UBASH3B: variants seen among roughly 807,000 people sequenced by gnomAD.
UBASH3B encodes the protein ubiquitin associated and SH3 domain containing B.
A neutral mutation model predicts 83.4 loss-of-function variants in UBASH3B; 37 were observed. The observed-to-expected ratio is 0.44, with a 90% CI of 0.34 to 0.58. UBASH3B has a LOEUF of 0.58. Ranked by LOEUF, UBASH3B falls within the 20% of genes least tolerant of loss-of-function variation. The probability of loss-of-function intolerance (pLI) is 0.01; values close to 1 mark genes in which losing one functional copy is unlikely to be tolerated. For missense variants in UBASH3B, 657 were observed against 827.2 expected (o/e 0.79, Z 2.52); for synonymous variants, 304 against 318.3 (o/e 0.96, Z 0.48).
intron 1 of UBASH3B, among the ~76,000 whole-genome samples, chr11:122,772,716 G>A (rs1860667626): frequency 6.6e-6 from 1 of 152,192 alleles, no homozygotes; most frequent in African/African-American, 2.4e-5. Context: ...CAAGGCCATT[G>A]GCGGGCACTG....
intron 11 of UBASH3B, among the ~76,000 whole-genome samples, chr11:122,804,924 G>A (rs1053478924): frequency 6.6e-5 from 10 of 152,326 alleles, no homozygotes; most frequent in South Asian, 6.2e-4. Context: ...ATAGTTAAGC[G>A]GGGGTGGAGG....
Position 122,801,194 on chromosome 11 carries a change from A to G in UBASH3B, c.1457A>G (p.Gln486Arg). 6.2e-7 allele frequency: 1 copy of G among 1,614,212 alleles called. No homozygotes were observed. The highest frequency in any genetic ancestry group is 8.5e-7 in the Non-Finnish European group (1 of 1,180,020). ...ACTGTATTTTACCCCTAAGGTTTACAACAAGAAAATCACTTGAAGATCCGT... is the reference window on the plus strand; with the variant it reads ...ACTGTATTTTACCCCTAAGGTTTACGACAAGAAAATCACTTGAAGATCCGT... The part of the protein sequence containing the change: ...QTAHNILKGL[Q>R]QENHLKIRVE... Residue 486 changes from glutamine (Q) to arginine (R), a missense_variant, in exon 11 of 14, where the codon CAA (glutamine) becomes CGA (arginine). Around this residue, in one of 3 missense-constraint regions of UBASH3B, gnomAD observed 573 missense variants for 739.0 expected, o/e 0.78. Coordinates refer to ENST00000284273, the MANE Select transcript of UBASH3B (RefSeq NM_032873.5).
Position 122,704,334 on chromosome 11 carries a change from G to T in UBASH3B, c.161+48124G>T, listed in dbSNP as rs1281609641. Among the ~76,000 whole-genome samples the T allele has an allele frequency of 4.6e-5, 7 of 152,140 alleles. No homozygotes were observed. The East Asian group carries it at 1.3e-3, about 29-fold the overall frequency. On this transcript the variant is annotated intron_variant, in intron 1 of 13. Transcript: ENST00000284273. ...CTGCTCTTTACCTCTGTTGAAGATG[G>T]CCTTACAAAAGGCTACGCGGGTCAG... is the stretch of plus-strand genomic sequence containing the variant.
intron 1 of UBASH3B, among the ~76,000 whole-genome samples, chr11:122,675,871 TAG>T (rs1446258582): frequency 6.6e-6 from 1 of 152,208 alleles, no homozygotes; most frequent in African/African-American, 2.4e-5. Flanking sequence ...TACAATTAAA[TAG>T]AGAGAGAGTG....
rs187646672 is a variant in UBASH3B at position 122,673,584 on chromosome 11, G to A, written c.161+17374G>A. Among the ~76,000 whole-genome samples, 1,729 of 152,290 alleles carry A rather than the reference G, an allele frequency of 0.011. 52 individuals carry two copies. In the East Asian group the frequency reaches 0.13, roughly 12 times the overall value. On this transcript the variant is annotated intron_variant, in intron 1 of 13. Coordinates refer to ENST00000284273, the MANE Select transcript of UBASH3B (RefSeq NM_032873.5). ...TGAGGCAGGAGAATGGCGTGAACCCGGGAGGCAGAGCTTGCAGTGAGCCGA... is the reference window on the plus strand; with the variant it reads ...TGAGGCAGGAGAATGGCGTGAACCCAGGAGGCAGAGCTTGCAGTGAGCCGA...
rs188920779 is a variant in UBASH3B, at chr11:122,803,377, G to A, written c.1595+2045G>A. On this transcript the variant is annotated intron_variant, in intron 11 of 13. Transcript: ENST00000284273. ...GCAGAAAGGGAAGCCCTGAGAGCCG[G>A]GGTAGTGTGAATCAGGCAGGCTCTG... 3.2e-3 allele frequency among the ~76,000 whole-genome samples: 493 copies of A among 152,302 alleles called. 4 individuals carry two copies. The highest frequency in any genetic ancestry group is 0.01 in the Middle Eastern group (3 of 294).
At chr11:122,733,172 C>T (rs1445023333) in intron 1 of UBASH3B, among the ~76,000 whole-genome samples, 2 of 152,096 alleles carry the variant, frequency 1.3e-5, no homozygotes, top group African/African-American at 4.8e-5. Flanking sequence ...TGGCTTCATA[C>T]ACAGCAGAGA....
chr11:122,660,448 G>A (rs563710268), intron 1 of UBASH3B, among the ~76,000 whole-genome samples: 1 of 152,346 alleles, frequency 6.6e-6, no homozygotes, highest in South Asian at 2.1e-4. Context: ...GGCTAGTGAG[G>A]TTGGTTGGAA....
intron 1 of UBASH3B, among the ~76,000 whole-genome samples, chr11:122,728,930 G>C (rs959712263): frequency 4.6e-5 from 7 of 152,198 alleles, no homozygotes; most frequent in South Asian, 2.1e-4. Flanking sequence ...GAAACTGATT[G>C]GTCAGAGACT....
At chr11:122,713,877 C>T (rs1298515662) in intron 1 of UBASH3B, among the ~76,000 whole-genome samples, 1 of 152,104 alleles carries the variant, frequency 6.6e-6, no homozygotes, top group East Asian at 1.9e-4. Flanking sequence ...GCTTTGTGAC[C>T]TCATCCAGTG....
rs767784994 is a variant in UBASH3B at position 122,796,157 on chromosome 11, C to T, written c.1115C>T (p.Pro372Leu). Residue 372 changes from proline to leucine, a missense_variant and splice_region_variant, in exon 8 of 14, where the codon CCG becomes CTG. Pro to Leu is a moderately conservative substitution (Grantham distance 98). Around this residue, in one of 3 missense-constraint regions of UBASH3B, gnomAD observed 573 missense variants for 739.0 expected, o/e 0.78. Coordinates refer to ENST00000284273, the MANE Select transcript of UBASH3B (RefSeq NM_032873.5). ...CTAATAGCCTTTCTTTCTCTGCAGC[C>T]GCTGAGGGTCAACAGCCAGCCCGGC... The part of the protein sequence containing the change: ...PLTIICQPMQ[P>L]LRVNSQPGPQ... 5.6e-5 allele frequency: 91 copies of T among 1,613,866 alleles called. No individual in the cohort carries two copies. The highest frequency in any genetic ancestry group is 1.6e-4 in the Middle Eastern group (1 of 6,084).
intron 1 of UBASH3B, among the ~76,000 whole-genome samples, chr11:122,739,064 T>TC (rs1860982260): frequency 6.6e-6 from 1 of 152,142 alleles, no homozygotes; most frequent in Non-Finnish European, 1.5e-5. Context: ...GGTGGCACGA[T>TC]CACGGCTTAC....
At chr11:122,668,172 G>A (rs1193163085) in intron 1 of UBASH3B, among the ~76,000 whole-genome samples, 2 of 152,086 alleles carry the variant, frequency 1.3e-5, no homozygotes, top group African/African-American at 2.4e-5. Context: ...ATTTTTAGTA[G>A]AGTTGGGGTT....
chr11:122,790,145 C>A (rs908414850), intron 6 of UBASH3B, among the ~76,000 whole-genome samples: 2 of 152,136 alleles, frequency 1.3e-5, no homozygotes, highest in African/African-American at 4.8e-5. Flanking sequence ...AAGCCCTGAG[C>A]GCCAGCTGCT....
Position 122,796,945 on chromosome 11 carries a change from T to C in UBASH3B, c.1269T>C (p.His423=). 6.2e-7 allele frequency: 1 copy of C among 1,614,150 alleles called. No individual in the cohort carries two copies. The highest frequency in any genetic ancestry group is 2.2e-5 in the East Asian group (1 of 44,870). ...RYIRTNLNMP[H]SLPQRSGGFR... Reference sequence around the variant, plus strand: ...TACGCACCAACCTGAACATGCCTCATAGTTTACCTCAGCGGAGTGGTGGTT... The same window carrying C: ...TACGCACCAACCTGAACATGCCTCACAGTTTACCTCAGCGGAGTGGTGGTT... The change falls in exon 9 of 14, where the codon CAT becomes CAC. Residue 423 remains histidine (H), a synonymous_variant. Transcript: ENST00000284273.
In UBASH3B at chr11:122,751,369, G is replaced by A. The variant is rs570902259; in HGVS notation, c.162-24850G>A. Among the ~76,000 whole-genome samples, 7 of 152,286 alleles carry A rather than the reference G, an allele frequency of 4.6e-5. 1 individual carries two copies. In the East Asian group the frequency reaches 9.7e-4, roughly 21 times the overall value. Reference sequence around the variant, plus strand: ...CCCAGGAGCTAAGAAGCAGTGAGGTGTGTCACACTCCTTCTCTGCCCTCCC... The same window carrying A: ...CCCAGGAGCTAAGAAGCAGTGAGGTATGTCACACTCCTTCTCTGCCCTCCC... On this transcript the variant is annotated intron_variant, in intron 1 of 13. Coordinates refer to ENST00000284273, the MANE Select transcript of UBASH3B (RefSeq NM_032873.5).
intron 12 of UBASH3B, among the ~76,000 whole-genome samples, chr11:122,807,034 A>C (rs893845471): frequency 6.6e-6 from 1 of 152,218 alleles, no homozygotes; most frequent in African/African-American, 2.4e-5. Flanking sequence ...TATTGCAAAA[A>C]AAGTATGGAC....
intron 1 of UBASH3B, among the ~76,000 whole-genome samples, chr11:122,761,688 A>G (rs1231949728): frequency 6.6e-6 from 1 of 151,956 alleles, no homozygotes; most frequent in Non-Finnish European, 1.5e-5. Context: ...TTAGAGAGAA[A>G]AGGGGGTGGA....
intron 1 of UBASH3B, among the ~76,000 whole-genome samples, chr11:122,691,732 A>G (rs1345195118): frequency 6.6e-6 from 1 of 152,198 alleles, no homozygotes; most frequent in East Asian, 1.9e-4. Context: ...AATCAATGAA[A>G]AGGCTGCCTT....
Sources: gnomAD v4.1 joint callset for allele counts (sites outside exome capture counted in the v4.1 genomes callset) on GRCh38, gnomAD v4.1.1 for gene constraint, gnomAD v4.1.1 regional missense constraint, MANE v1.5 for transcripts, NCBI Gene and HGNC (gene_info 2026-07-23, HGNC 2026-07-21) for gene names.